SDK1: variants seen among roughly 807,000 people sequenced by gnomAD.
SDK1 encodes the protein sidekick cell adhesion molecule 1, also known as protein sidekick-1.
In SDK1, 157 loss-of-function variants were observed where a neutral mutation model predicts 245.5. The ratio of observed to expected loss-of-function variants is 0.64; its 90% CI spans 0.56 to 0.73. The LOEUF (loss-of-function observed/expected upper bound fraction) is 0.73, where lower values mean the gene tolerates loss of function less well. SDK1 is among the 30% of genes least tolerant of loss of function. The pLI, the probability that SDK1 is intolerant of heterozygous loss-of-function variation, is 0.00. For missense variants in SDK1, 3,583 were observed against 3,002.3 expected, an observed-to-expected ratio of 1.19 and a Z score of -4.52; for synonymous variants, 1,647 against 1,278.5, an observed-to-expected ratio of 1.29 and a Z score of -6.15.
intron 1 of SDK1, among the ~76,000 whole-genome samples, chr7:3,411,520 A>G (rs1779201451): frequency 6.6e-6 from 1 of 152,296 alleles, no homozygotes; most frequent in Middle Eastern, 3.4e-3. Context: ...TTCTGGTAGC[A>G]GCACTGTCTG....
chr7:3,874,862 T>C (rs1262548182), intron 5 of SDK1, among the ~76,000 whole-genome samples: 4 of 152,182 alleles, frequency 2.6e-5, no homozygotes, highest in Admixed American at 6.5e-5. Flanking sequence ...ATAGGGGAGA[T>C]ACGTCTCAGG....
intron 1 of SDK1, among the ~76,000 whole-genome samples, chr7:3,541,539 C>T (rs780580434): frequency 2.0e-5 from 3 of 152,200 alleles, no homozygotes; most frequent in African/African-American, 7.2e-5. Flanking sequence ...GTCAGTCCTT[C>T]TGTAGAGATC....
intron 35 of SDK1, among the ~76,000 whole-genome samples, chr7:4,179,814 C>T (rs1187713401): frequency 6.6e-6 from 1 of 151,878 alleles, no homozygotes; most frequent in Non-Finnish European, 1.5e-5. Context: ...CTGTGCTCTC[C>T]AGTTGTATTC....
chr7:3,834,160 G>C (rs79573950), intron 5 of SDK1, among the ~76,000 whole-genome samples: 2,216 of 152,294 alleles, frequency 0.015, 67 homozygotes, highest in African/African-American at 0.051. Flanking sequence ...TAGAGTCTCT[G>C]TCTCACTTCT....
chr7:3,949,339 A>T (rs1780705139), intron 5 of SDK1, among the ~76,000 whole-genome samples: 1 of 152,236 alleles, frequency 6.6e-6, no homozygotes, highest in South Asian at 2.1e-4. Context: ...CACGTTTAAT[A>T]CAAAAATCTC....
At chr7:3,346,827 A>ATATATAATTTTTTTTTTT (rs1228887289) in intron 1 of SDK1, among the ~76,000 whole-genome samples, 6 of 16,386 alleles carry the variant, frequency 3.7e-4, no homozygotes, top group Admixed American at 1.1e-3. Context: ...ATATATATAT[A>ATATATAATTTTTTTTTTT]TTTTTTTTTT....
At chr7:3,449,481 G>A (rs1284831166) in intron 1 of SDK1, among the ~76,000 whole-genome samples, 2 of 152,184 alleles carry the variant, frequency 1.3e-5, no homozygotes, top group South Asian at 2.1e-4. Flanking sequence ...TTGAAGAATT[G>A]TATCAGTTAC....
chr7:3,674,531 G>A (rs1256301078), intron 4 of SDK1, among the ~76,000 whole-genome samples: 2 of 152,180 alleles, frequency 1.3e-5, no homozygotes, highest in African/African-American at 4.8e-5. Context: ...AGGAGTTTTG[G>A]TTTGGTGAGG....
Position 4,174,238 on chromosome 7 carries a change from G to A in SDK1, c.4817G>A (p.Ser1606Asn), listed in dbSNP as rs1418424515. The A allele has an allele frequency of 6.2e-7, 1 of 1,614,090 alleles. No homozygotes were observed. The change falls in exon 33 of 45, where the codon AGC (serine) becomes AAC (asparagine). Residue 1606 changes from serine to asparagine, a missense_variant. Transcript: ENST00000404826. ...LIQWQPPRDE[S>N]LNGLLQGYRI... is the part of the protein sequence containing the mutation. Reference sequence around the variant, plus strand: ...TCTTTGCAGCCTCCGAGGGACGAAAGCCTGAATGGCCTTCTTCAGGGATAC... The same window carrying A: ...TCTTTGCAGCCTCCGAGGGACGAAAACCTGAATGGCCTTCTTCAGGGATAC...
intron 1 of SDK1, among the ~76,000 whole-genome samples, chr7:3,398,868 T>G (rs1376355691): frequency 6.6e-6 from 1 of 151,094 alleles, no homozygotes; most frequent in Admixed American, 6.6e-5. Flanking sequence ...CTAGTAGCGC[T>G]CCTCCTAGTA....
chr7:3,596,408 C>G (rs533039550), intron 1 of SDK1, among the ~76,000 whole-genome samples: 2 of 152,318 alleles, frequency 1.3e-5, no homozygotes, highest in South Asian at 4.1e-4. Context: ...GAAAGTGTGT[C>G]TCCATTTCTG....
In SDK1 at chr7:4,194,342, GTATAGA is replaced by G. The variant is rs1350479250; in HGVS notation, c.5099-11532_5099-11527del. On this transcript the variant is annotated intron_variant, in intron 35 of 44. Transcript: ENST00000404826. Reference sequence around the variant, plus strand: ...TATGTATGCACGTATGTGTATACATGTATAGATATATGTATGCACGTATGTGTATAC... The same window carrying G: ...TATGTATGCACGTATGTGTATACATGTATATGTATGCACGTATGTGTATAC... Among the ~76,000 whole-genome samples the G allele has an allele frequency of 2.9e-4, 35 of 121,708 alleles. 2 individuals are homozygous for G. The highest frequency in any genetic ancestry group is 1.2e-3 in the African/African-American group (29 of 25,004). The allele number at this position is 121,708 out of a possible 152,430, so 79.8% of individuals were successfully genotyped here. A position where few individuals can be genotyped will look rare whatever the true frequency, so the allele number is the denominator to read the frequency against.
At chr7:4,241,450 C>T (rs913449121) in intron 42 of SDK1, among the ~76,000 whole-genome samples, 7 of 152,136 alleles carry the variant, frequency 4.6e-5, no homozygotes, top group East Asian at 1.9e-4. Context: ...GCCTGGGCAA[C>T]GTAGCGAGAC....
chr7:4,265,762 G>C lies in SDK1; in HGVS notation c.*378G>C. On this transcript the variant is annotated 3_prime_UTR_variant, in exon 45 of 45. Coordinates refer to ENST00000404826, the MANE Select transcript of SDK1 (RefSeq NM_152744.4). ...GGAGAGGGAGTGGAGGGTCAGGTGAGATCTCAGAGCTGCCCCGGCCGGCCC... is the reference window on the plus strand; with the variant it reads ...GGAGAGGGAGTGGAGGGTCAGGTGACATCTCAGAGCTGCCCCGGCCGGCCC... The C allele has an allele frequency of 9.7e-7, 1 of 1,035,422 alleles. No homozygotes were observed. Among genetic ancestry groups the C allele is most frequent in the Non-Finnish European group, 1.2e-6 (1 of 865,328 alleles). 64.1% of individuals were successfully genotyped at this position (1,035,422 alleles called of 1,614,324 possible).
At chr7:3,668,957 G>A (rs1267178740) in intron 4 of SDK1, among the ~76,000 whole-genome samples, 1 of 152,302 alleles carries the variant, frequency 6.6e-6, no homozygotes, top group South Asian at 2.1e-4. Flanking sequence ...GGGAGGCTCT[G>A]GCAGAGCATG....
chr7:3,361,769 G>A (rs925220872), intron 1 of SDK1, among the ~76,000 whole-genome samples: 1 of 152,152 alleles, frequency 6.6e-6, no homozygotes, highest in Non-Finnish European at 1.5e-5. Flanking sequence ...ATTGTTCCAT[G>A]CACAGTATTG....
At chr7:3,428,095 C>T (rs1330330384) in intron 1 of SDK1, among the ~76,000 whole-genome samples, 1 of 152,160 alleles carries the variant, frequency 6.6e-6, no homozygotes, top group Admixed American at 6.6e-5. Flanking sequence ...GACATGGTGG[C>T]AGCACAACTA....
intron 1 of SDK1, among the ~76,000 whole-genome samples, chr7:3,374,529 C>T (rs754472906): frequency 3.9e-5 from 6 of 152,308 alleles, no homozygotes; most frequent in Middle Eastern, 3.4e-3. Context: ...GAAGGTCTCT[C>T]TCCTGCATAC....
At chr7:3,815,368 T>C (rs1779481619) in intron 4 of SDK1, among the ~76,000 whole-genome samples, 1 of 131,932 alleles carries the variant, frequency 7.6e-6, no homozygotes, top group Non-Finnish European at 1.6e-5. Context: ...TCTATTGAGA[T>C]AATCATGTGG....
Sources: gnomAD v4.1 joint callset for allele counts (sites outside exome capture counted in the v4.1 genomes callset) on GRCh38, gnomAD v4.1.1 for gene constraint, MANE v1.5 for transcripts, NCBI Gene and HGNC (gene_info 2026-07-23, HGNC 2026-07-21) for gene names.